Variants in CAPS2 observed in about 807,000 individuals in gnomAD.
CAPS2 encodes the protein calcyphosine 2.
Under a neutral mutation model 86.5 loss-of-function variants are expected in CAPS2, and 98 were observed. The observed-to-expected ratio is 1.13, with a 90% CI of 0.96 to 1.34. The LOEUF is 1.34. Ranked by LOEUF, CAPS2 falls within the 40% of genes most tolerant of loss-of-function variation. The pLI is 0.00. For missense variants in CAPS2, 729 were observed against 686.8 expected (o/e 1.06, Z -0.69); for synonymous variants, 210 against 225.1 (o/e 0.93, Z 0.60).
intron 14 of CAPS2, among the ~76,000 whole-genome samples, chr12:75,287,443 G>A (rs1418774673): frequency 6.6e-6 from 1 of 152,150 alleles, no homozygotes; most frequent in Non-Finnish European, 1.5e-5. Context: ...GCCAAGAAGA[G>A]TCAGAACAGG....
At chr12:75,379,147 T>C (rs1157760713) in intron 1 of CAPS2, among the ~76,000 whole-genome samples, 1 of 152,370 alleles carries the variant, frequency 6.6e-6, no homozygotes, top group Non-Finnish European at 1.5e-5. Flanking sequence ...CAAGAGCATA[T>C]GATTTTCTTT....
Position 75,289,304 on chromosome 12 carries a change from T to C in CAPS2, c.1395+317A>G, listed in dbSNP as rs867281465. Reference sequence around the variant, plus strand: ...GTCTTGGAATCAGGTACCTACCCCATGGTGTTCCAACAACATTCTCCACTG... The same window carrying C: ...GTCTTGGAATCAGGTACCTACCCCACGGTGTTCCAACAACATTCTCCACTG... On this transcript the variant is annotated intron_variant, in intron 14 of 16. Transcript: ENST00000393284. 7.2e-5 allele frequency among the ~76,000 whole-genome samples: 11 copies of C among 152,188 alleles called. 1 individual carries two copies. The South Asian group carries it at 1.4e-3, about 20-fold the overall frequency.
At chr12:75,327,896 T>A (rs866395766), upstream of CAPS2, among the ~76,000 whole-genome samples, 1 of 151,016 alleles carries the variant, frequency 6.6e-6, no homozygotes, top group African/African-American at 2.4e-5. Context: ...TACTTTTATT[T>A]CATGCCCAGT....
At chr12:75,301,809 A>G (rs987006139) in intron 8 of CAPS2, among the ~76,000 whole-genome samples, 1 of 152,202 alleles carries the variant, frequency 6.6e-6, no homozygotes, top group Non-Finnish European at 1.5e-5. Context: ...AAAAGTAAAT[A>G]TGTATTTACA....
At chr12:75,326,672 G>A (rs2040816873), upstream of CAPS2, 2 of 554,672 alleles carry the variant, frequency 3.6e-6, no homozygotes, top group Admixed American at 2.9e-5. Context: ...CTTTTTATAG[G>A]GCAATTACAT....
At chr12:75,320,972 G>GT (rs1378064381) in intron 5 of CAPS2, among the ~76,000 whole-genome samples, 2 of 151,956 alleles carry the variant, frequency 1.3e-5, no homozygotes, top group Admixed American at 6.6e-5. Flanking sequence ...ACAAAAGACA[G>GT]TAATGAAGTG....
At chr12:75,328,054 GA>G (rs903608869), upstream of CAPS2, among the ~76,000 whole-genome samples, 2 of 149,300 alleles carry the variant, frequency 1.3e-5, no homozygotes, top group Non-Finnish European at 3.0e-5. Flanking sequence ...AACATATTCT[GA>G]AAAAAAAATA....
intron 1 of CAPS2, among the ~76,000 whole-genome samples, chr12:75,341,499 T>C (rs1282509164): frequency 6.6e-6 from 1 of 152,172 alleles, no homozygotes; most frequent in African/African-American, 2.4e-5. Context: ...CAGGCTGGAA[T>C]GCAGTGGCGC....
chr12:75,386,550 T>C (rs1273510772), intron 1 of CAPS2, among the ~76,000 whole-genome samples: 1 of 152,168 alleles, frequency 6.6e-6, no homozygotes, highest in Non-Finnish European at 1.5e-5. Context: ...TTAATACAAT[T>C]CATGAGGACA....
At chr12:75,318,086 T>C (rs2039953040) in intron 5 of CAPS2, 1 of 151,720 alleles carries the variant, frequency 6.6e-6, no homozygotes, top group Admixed American at 6.6e-5. Context: ...AGTGAAAACA[T>C]AGAGTATTTG....
intron 1 of CAPS2, among the ~76,000 whole-genome samples, chr12:75,359,671 A>G (rs1212116907): frequency 6.6e-6 from 1 of 152,108 alleles, no homozygotes; most frequent in African/African-American, 2.4e-5. Flanking sequence ...GATCAGAAAT[A>G]GACTCACACA....
intron 8 of CAPS2, among the ~76,000 whole-genome samples, chr12:75,300,595 T>A (rs2037693938): frequency 6.7e-6 from 1 of 148,528 alleles, no homozygotes. Flanking sequence ...GAATTTGCTC[T>A]TAGCATCTTG....
In CAPS2 at chr12:75,371,758, T is replaced by C. The variant is rs529084557; in HGVS notation, c.-395+19080A>G. ...AAAAATAGAGGGAATAAAATGAAGATACTTTCTTAGTACAAGTGTATACAT... is the reference window on the plus strand; with the variant it reads ...AAAAATAGAGGGAATAAAATGAAGACACTTTCTTAGTACAAGTGTATACAT... On this transcript the variant is annotated intron_variant, in intron 1 of 5. Transcript: ENST00000551829. Among the ~76,000 whole-genome samples the C allele has an allele frequency of 2.6e-5, 4 of 152,334 alleles. No individual in the cohort carries two copies. In the East Asian group the frequency reaches 5.8e-4, roughly 22 times the overall value.
intron 1 of CAPS2, among the ~76,000 whole-genome samples, chr12:75,375,453 T>C (rs1316939230): frequency 6.6e-6 from 1 of 152,196 alleles, no homozygotes; most frequent in Non-Finnish European, 1.5e-5. Flanking sequence ...GCCAGAGTTC[T>C]CCTTGGAGAA....
intron 12 of CAPS2, among the ~76,000 whole-genome samples, chr12:75,292,166 A>C (rs1009188407): frequency 2.0e-5 from 3 of 152,072 alleles, no homozygotes; most frequent in Admixed American, 6.5e-5. Context: ...TCCCAGGTTC[A>C]AGCGATTCTC....
intron 5 of CAPS2, among the ~76,000 whole-genome samples, chr12:75,317,726 G>T (rs1307105568): frequency 1.3e-5 from 2 of 151,936 alleles, no homozygotes; most frequent in Non-Finnish European, 2.9e-5. Flanking sequence ...ACAGTATGAT[G>T]ATTTGATATA....
Position 75,282,336 on chromosome 12 carries a change from T to C in CAPS2, c.1527A>G (p.Lys509=), listed in dbSNP as rs781146949. 14 of 1,594,420 alleles carry C rather than the reference T, an allele frequency of 8.8e-6. No homozygotes were observed. The South Asian group carries it at 1.5e-4, about 18-fold the overall frequency. The change falls in exon 16 of 17, where the codon AAA becomes AAG. Residue 509 remains lysine, a synonymous_variant. Transcript: ENST00000393284. ...CACTGCCACTTTTGTTGAAATCCAG[T>C]TTCATAAAGGCCTAAACAGACAAAT...
At chr12:75,370,196 A>C (rs541396838) in intron 1 of CAPS2, 2 of 1,174,950 alleles carry the variant, frequency 1.7e-6, no homozygotes, top group Non-Finnish European at 2.5e-6. Flanking sequence ...TATACAAAAG[A>C]AATTCTCAAA....
At chr12:75,363,229 T>C in intron 1 of CAPS2, 3 of 930,790 alleles carry the variant, frequency 3.2e-6, no homozygotes, top group Non-Finnish European at 4.5e-6. Context: ...ATTTAGAGAG[T>C]AAAGTTTCCA....
Sources: allele counts gnomAD v4.1 joint callset (sites outside exome capture counted in the v4.1 genomes callset), GRCh38; gene constraint gnomAD v4.1.1; transcripts MANE v1.5; gene names NCBI Gene and HGNC (gene_info 2026-07-23, HGNC 2026-07-21).